FCSK: variants seen among roughly 807,000 people sequenced by gnomAD.
FCSK encodes L-fucose kinase.
Under a neutral mutation model 122.5 loss-of-function variants are expected in FCSK, and 123 were observed. The ratio of observed to expected loss-of-function variants is 1.00; its 90% CI spans 0.87 to 1.17. The LOEUF is 1.17. FCSK is among the 50% of genes most tolerant of loss of function. The pLI, the probability that FCSK is intolerant of heterozygous loss-of-function variation, is 0.00. For missense variants in FCSK, 1,366 were observed against 1,450.4 expected (o/e 0.94, Z 0.95); for synonymous variants, 620 against 625.5 (o/e 0.99, Z 0.13).
Position 70,472,527 on chromosome 16 carries a change from T to C in FCSK, c.1342-14T>C. On this transcript the variant is annotated splice_polypyrimidine_tract_variant and intron_variant, in intron 13 of 23. Transcript: ENST00000288078. ...TGGCCCCTGCAGCCCTGACTGCTTC[T>C]TCCTCTCCCCCAGAGACAGGGGGCA... 2.5e-6 allele frequency: 4 copies of C among 1,609,614 alleles called. No individual in the cohort carries two copies. Among genetic ancestry groups the C allele is most frequent in the Non-Finnish European group, 3.4e-6 (4 of 1,177,578 alleles).
At position 70,473,033 on chromosome 16, in the gene FCSK, C is replaced by T. The variant is rs778633729; in HGVS notation, c.1457C>T (p.Pro486Leu). The T allele has an allele frequency of 6.3e-7, 1 of 1,591,516 alleles. No homozygotes were observed. Among genetic ancestry groups the T allele is most frequent in the South Asian group, 1.1e-5 (1 of 87,734 alleles). The change falls in exon 15 of 24, where the codon CCC (proline) becomes CTC (leucine). Residue 486 changes from proline to leucine, a missense_variant. Coordinates refer to ENST00000288078, the MANE Select transcript of FCSK (RefSeq NM_145059.3). The surrounding 1 kb of genome is among the most constrained non-coding windows in gnomAD (Gnocchi z 4.9). ...PETLPAEYCL[P>L]SARLFPVLHP... ...ACGCTGCCCGCAGAGTACTGCCTTC[C>T]CAGCGCCCGCCTCTTTCCTGTGCTC...
At chr16:70,477,915 T>G (rs2048866318) in intron 20 of FCSK, 1 of 212,514 alleles carries the variant, frequency 4.7e-6, no homozygotes, top group African/African-American at 2.3e-5. Flanking sequence ...ACTCCTGACC[T>G]CAAATGATCT....
chr16:70,466,505 C>A, intron 5 of FCSK: 1 of 514,914 alleles, frequency 1.9e-6, no homozygotes, highest in Non-Finnish European at 3.4e-6. Context: ...CCAGCCTGGG[C>A]AACACAGCAA....
intron 1 of FCSK, among the ~76,000 whole-genome samples, chr16:70,457,527 T>A (rs1188256993): frequency 6.6e-6 from 1 of 152,200 alleles, no homozygotes; most frequent in Non-Finnish European, 1.5e-5. Flanking sequence ...AGTGCTGGGA[T>A]TCCGGATGTG....
intron 1 of FCSK, chr16:70,457,830 C>G (rs1400843994): frequency 4.0e-5 from 6 of 150,738 alleles, no homozygotes; most frequent in African/African-American, 1.5e-4. Context: ...CTCCTGGGCT[C>G]AAGCCATCCG....
At chr16:70,462,147 T>A (rs1452281648) in intron 1 of FCSK, 2 of 140,566 alleles carry the variant, frequency 1.4e-5, no homozygotes, top group East Asian at 3.8e-4. Flanking sequence ...TTTATTTGAC[T>A]TTTTTTTGTT....
chr16:70,467,420 A>G lies in FCSK; in HGVS notation c.531A>G (p.Pro177=), dbSNP rs1405855263. The G allele has an allele frequency of 6.2e-7, 1 of 1,610,956 alleles. No individual in the cohort carries two copies. Among genetic ancestry groups the G allele is most frequent in the Non-Finnish European group, 8.5e-7 (1 of 1,178,976 alleles). The part of the protein sequence containing the change: ...SFRGARVIAL[P]GSPAYAQNHG... ...GGGGAGCCAGAGTGATCGCCCTCCCAGGGAGCCCGGCCTACGCTCAGAATC... is the reference window on the plus strand; with the variant it reads ...GGGGAGCCAGAGTGATCGCCCTCCCGGGGAGCCCGGCCTACGCTCAGAATC... Residue 177 remains proline, a synonymous_variant, in exon 7 of 24, where the codon CCA becomes CCG. Coordinates refer to ENST00000288078, the MANE Select transcript of FCSK (RefSeq NM_145059.3).
In FCSK at chr16:70,474,715, G is replaced by A. The variant is rs1408699866; in HGVS notation, c.2155+21G>A. The A allele has an allele frequency of 3.2e-6, 5 of 1,583,496 alleles. No individual in the cohort carries two copies. In the African/African-American group the frequency reaches 5.4e-5, roughly 17 times the overall value. On this transcript the variant is annotated intron_variant, in intron 17 of 23. Coordinates refer to ENST00000288078, the MANE Select transcript of FCSK (RefSeq NM_145059.3). ...CTCTGGTGAGCCCCTTGTGGCAGGT[G>A]GGGTTGAGGGTAGCTGCCCCAGAGC...
In FCSK at chr16:70,473,853, T is replaced by G. The variant is rs1428134454; in HGVS notation, c.1778-276T>G. ...GCTAGCTGGTGGTGAGGCTGAGACC[T>G]GAGCCCAGGTGGTTTGAGCCCAGAG... is the stretch of plus-strand genomic sequence containing the variant. On this transcript the variant is annotated intron_variant, in intron 15 of 23. Coordinates refer to ENST00000288078, the MANE Select transcript of FCSK (RefSeq NM_145059.3). The surrounding 1 kb of genome is among the most constrained non-coding windows in gnomAD (Gnocchi z 4.9). 6.6e-6 allele frequency among the ~76,000 whole-genome samples: 1 copy of G among 152,174 alleles called. No homozygotes were observed. The highest frequency in any genetic ancestry group is 2.4e-5 in the African/African-American group (1 of 41,432).
Position 70,472,588 on chromosome 16 carries a change from C to G in FCSK, c.1389C>G (p.Phe463Leu). ...TYLNVPWSEFFKRTGVRAWDL... is the reference protein window; with the variant it reads ...TYLNVPWSEFLKRTGVRAWDL... Reference sequence around the variant, plus strand: ...TCAACGTGCCCTGGAGTGAATTCTTCAAGAGGACAGGTGTTCGGTAAGGTG... The same window carrying G: ...TCAACGTGCCCTGGAGTGAATTCTTGAAGAGGACAGGTGTTCGGTAAGGTG... Residue 463 changes from phenylalanine to leucine, a missense_variant, in exon 14 of 24, where the codon TTC becomes TTG. By Grantham distance (22) the Phe-to-Leu change is conservative (BLOSUM62 0). Coordinates refer to ENST00000288078, the MANE Select transcript of FCSK (RefSeq NM_145059.3). The G allele has an allele frequency of 6.2e-7, 1 of 1,613,190 alleles. No individual in the cohort carries two copies.
intron 1 of FCSK, among the ~76,000 whole-genome samples, chr16:70,459,504 C>T (rs1328807193): frequency 1.3e-5 from 2 of 152,070 alleles, no homozygotes; most frequent in Admixed American, 6.6e-5. Flanking sequence ...TACCACTGCA[C>T]TCCAGCCTGG....
In FCSK at chr16:70,467,471, G is replaced by A. The variant is rs755213969; in HGVS notation, c.582G>A (p.Gln194=). Reference sequence around the variant, plus strand: ...ATGGCGTCTACCTAACTGACCCCCAGGTAGTGCCCCTGGGGACAGTGGAGC... The same window carrying A: ...ATGGCGTCTACCTAACTGACCCCCAAGTAGTGCCCCTGGGGACAGTGGAGC... The part of the protein sequence containing the change: ...QNHGVYLTDP[Q]GLVLDIYYQG... Residue 194 remains glutamine, a splice_region_variant and synonymous_variant, in exon 7 of 24, where the codon CAG becomes CAA. Transcript: ENST00000288078. The A allele has an allele frequency of 6.3e-6, 10 of 1,592,482 alleles. No homozygotes were observed. The highest frequency in any genetic ancestry group is 7.7e-6 in the Non-Finnish European group (9 of 1,170,430).
Position 70,473,191 on chromosome 16 carries a change from C to G in FCSK, c.1615C>G (p.Arg539Gly), listed in dbSNP as rs753291011. 94 of 1,538,796 alleles carry G rather than the reference C, an allele frequency of 6.1e-5. No individual in the cohort carries two copies. The highest frequency in any genetic ancestry group is 8.0e-5 in the Non-Finnish European group (92 of 1,146,404). Reference protein sequence around the residue: ...SWEQLQPCLDRAATLASRRDL... With the variant: ...SWEQLQPCLDGAATLASRRDL... ...GGAGCAGCTGCAGCCGTGCCTGGAT[C>G]GGGCTGCCACGCTGGCCTCTCGCCG... The change falls in exon 15 of 24, where the codon CGG becomes GGG. Residue 539 changes from arginine to glycine, a missense_variant. Physicochemically the swap from Arg to Gly is moderately radical, Grantham distance 125. Coordinates refer to ENST00000288078, the MANE Select transcript of FCSK (RefSeq NM_145059.3). This position sits in a 1 kb window ranked among gnomAD's most constrained non-coding sequence, Gnocchi z 4.9.
rs1267614397 is a variant in FCSK, at chr16:70,479,686, G to A, written c.*6G>A. The A allele has an allele frequency of 6.2e-7, 1 of 1,611,700 alleles. No homozygotes were observed. The highest frequency in any genetic ancestry group is 1.7e-5 in the Admixed American group (1 of 59,848). ...CCTGTTGCCCTTTCCCATGAAGCTG[G>A]CTTCTCTCTGCAACAGGAGAAAACC... On this transcript the variant is annotated 3_prime_UTR_variant, in exon 24 of 24. Coordinates refer to ENST00000288078, the MANE Select transcript of FCSK (RefSeq NM_145059.3).
chr16:70,459,440 G>C (rs1413495936), intron 1 of FCSK, among the ~76,000 whole-genome samples: 2 of 152,002 alleles, frequency 1.3e-5, no homozygotes, highest in East Asian at 3.9e-4. Flanking sequence ...GGGAGGCTGA[G>C]GCAGGGAGAA....
In FCSK at chr16:70,455,504, C is replaced by A. The variant is rs575296994; in HGVS notation, c.-23+874C>A. On this transcript the variant is annotated intron_variant, in intron 1 of 23. Transcript: ENST00000288078. Reference sequence around the variant, plus strand: ...CGTCTCAAAAACAAAACAAAACAAACCAACAACAACAACAACAAAAGAACC... The same window carrying A: ...CGTCTCAAAAACAAAACAAAACAAAACAACAACAACAACAACAAAAGAACC... Among the ~76,000 whole-genome samples, 31 of 150,930 alleles carry A rather than the reference C, an allele frequency of 2.1e-4. 1 individual carries two copies. Among genetic ancestry groups the A allele is most frequent in the South Asian group, 1.5e-3 (7 of 4,748 alleles).
At chr16:70,469,976 C>T (rs568611095) in intron 10 of FCSK, among the ~76,000 whole-genome samples, 16 of 152,252 alleles carry the variant, frequency 1.1e-4, no homozygotes, top group South Asian at 8.3e-4. Context: ...GCCTGAGTAG[C>T]TGGGATTACA....
Position 70,467,943 on chromosome 16 carries a change from A to C in FCSK, c.640A>C (p.Arg214=). 6.2e-7 allele frequency: 1 copy of C among 1,614,108 alleles called. No individual in the cohort carries two copies. Among genetic ancestry groups the C allele is most frequent in the Non-Finnish European group, 8.5e-7 (1 of 1,179,988 alleles). Residue 214 remains arginine, a synonymous_variant, in exon 8 of 24, where the codon AGG becomes CGG. Coordinates refer to ENST00000288078, the MANE Select transcript of FCSK (RefSeq NM_145059.3). The part of the protein sequence containing the change: ...GTEAEIQRCV[R]PDGRVPLVSG... Reference sequence around the variant, plus strand: ...TGAGGCAGAGATTCAGCGGTGTGTCAGGCCTGATGGGCGGGTGCCACTGGT... The same window carrying C: ...TGAGGCAGAGATTCAGCGGTGTGTCCGGCCTGATGGGCGGGTGCCACTGGT...
intron 3 of FCSK, among the ~76,000 whole-genome samples, chr16:70,463,980 G>A (rs2048341571): frequency 6.9e-6 from 1 of 144,476 alleles, no homozygotes; most frequent in Non-Finnish European, 1.5e-5. Context: ...TGTTTTTAGA[G>A]AGTTGTAGCC....
Sources: gnomAD v4.1 joint callset for allele counts (sites outside exome capture counted in the v4.1 genomes callset) on GRCh38, gnomAD v4.1.1 for gene constraint, Gnocchi (gnomAD v3.1) non-coding constraint, MANE v1.5 for transcripts, NCBI Gene and HGNC (gene_info 2026-07-23, HGNC 2026-07-21) for gene names.